LRRK1: variants seen among roughly 807,000 people sequenced by gnomAD.
LRRK1 encodes the protein leucine rich repeat kinase 1.
In LRRK1, 113 loss-of-function variants were observed where a neutral mutation model predicts 209.1. That is an observed-to-expected ratio of 0.54 (90% CI 0.46 to 0.63). The LOEUF (loss-of-function observed/expected upper bound fraction) is 0.63, where lower values mean the gene tolerates loss of function less well. LRRK1 is among the 30% of genes least tolerant of loss of function. The pLI, the probability that LRRK1 is intolerant of heterozygous loss-of-function variation, is 0.00. For missense variants in LRRK1, 2,284 were observed against 2,632.2 expected (o/e 0.87, Z 2.89); for synonymous variants, 1,144 against 1,099.7 (o/e 1.04, Z -0.80).
chr15:100,962,823 A>ATTTTTT lies in LRRK1; in HGVS notation c.98-10969_98-10964dup, dbSNP rs1161979293. 1.6e-3 allele frequency among the ~76,000 whole-genome samples: 19 copies of ATTTTTT among 11,534 alleles called. 1 individual carries two copies. Among genetic ancestry groups the ATTTTTT allele is most frequent in the Non-Finnish European group, 2.1e-3 (10 of 4,842 alleles). The allele number at this position is 11,534 out of a possible 152,430, so 7.6% of individuals were successfully genotyped here. A position where few individuals can be genotyped will look rare whatever the true frequency, so the allele number is the denominator to read the frequency against. On this transcript the variant is annotated intron_variant, in intron 2 of 33. Coordinates refer to ENST00000388948, the MANE Select transcript of LRRK1 (RefSeq NM_024652.6). ...TATATATATATATATATATATATATATTTTTTTTTTTTTTTTTGAGATGGA... is the reference window on the plus strand; with the variant it reads ...TATATATATATATATATATATATATATTTTTTTTTTTTTTTTTTTTTTTGAGATGGA...
intron 19 of LRRK1, among the ~76,000 whole-genome samples, chr15:101,028,633 A>G (rs1283807733): frequency 6.6e-6 from 1 of 152,262 alleles, no homozygotes; most frequent in Non-Finnish European, 1.5e-5. Context: ...ATGTCTGCAA[A>G]TAACCGCAGG....
intron 7 of LRRK1, 54 bp downstream of exon 7, chr15:101,009,117 G>C (rs910306278): frequency 7.4e-7 from 1 of 1,347,612 alleles, no homozygotes; most frequent in Non-Finnish European, 1.1e-6. Context: ...TCACCGTTGT[G>C]CTCCTGCACA....
In LRRK1 at chr15:101,034,847, GT is replaced by G. The variant is rs367895812; in HGVS notation, c.2963+5624del. Among the ~76,000 whole-genome samples, 7 of 147,728 alleles carry G rather than the reference GT, an allele frequency of 4.7e-5. No homozygotes were observed. In the East Asian group the frequency reaches 7.9e-4, roughly 17 times the overall value. ...GTTTTATATTTCTGGGAATTTGTCTGTTTTTTTTTCCTAGGCTTTGCAGTTT... is the reference window on the plus strand; with the variant it reads ...GTTTTATATTTCTGGGAATTTGTCTGTTTTTTTTCCTAGGCTTTGCAGTTT... On this transcript the variant is annotated intron_variant, in intron 20 of 33. Transcript: ENST00000388948.
intron 6 of LRRK1, among the ~76,000 whole-genome samples, chr15:101,001,128 G>A (rs181575465): frequency 4.6e-5 from 7 of 152,312 alleles, no homozygotes; most frequent in Admixed American, 4.6e-4. Flanking sequence ...GTTTGGTTCT[G>A]TTGTGGCCTT....
At chr15:100,926,728 A>G (rs1244786448) in intron 2 of LRRK1, among the ~76,000 whole-genome samples, 6 of 118,696 alleles carry the variant, frequency 5.1e-5, no homozygotes, top group Non-Finnish European at 1.6e-5. Context: ...TCTGTCACCC[A>G]GGCTGGAGTG....
At chr15:101,013,582 C>T (rs1292634819) in intron 10 of LRRK1, among the ~76,000 whole-genome samples, 1 of 151,958 alleles carries the variant, frequency 6.6e-6, no homozygotes, top group Non-Finnish European at 1.5e-5. Flanking sequence ...CCGCTGCACT[C>T]CAGCCTAAGA....
chr15:101,005,262 GCTGA>G (rs1324793397), intron 6 of LRRK1, among the ~76,000 whole-genome samples: 1 of 152,142 alleles, frequency 6.6e-6, no homozygotes, highest in African/African-American at 2.4e-5. Flanking sequence ...CTGTTGCTGG[GCTGA>G]CTGTCATGCT....
chr15:100,924,583 C>T lies in LRRK1; in HGVS notation c.-50C>T. The T allele has an allele frequency of 6.5e-7, 1 of 1,535,902 alleles. No homozygotes were observed. Among genetic ancestry groups the T allele is most frequent in the Non-Finnish European group, 9.0e-7 (1 of 1,109,892 alleles). ...TGCACCCCACAGCCAGCGGCAGTGG[C>T]AGTGACAACAGCGGGACCTGCCTTT... On this transcript the variant is annotated 5_prime_UTR_variant, in exon 2 of 34. It introduces an in-frame stop codon into an upstream open reading frame of the 5' UTR. Coordinates refer to ENST00000388948, the MANE Select transcript of LRRK1 (RefSeq NM_024652.6).
At chr15:101,046,849 G>A (rs576189422) in intron 21 of LRRK1, among the ~76,000 whole-genome samples, 31 of 152,326 alleles carry the variant, frequency 2.0e-4, no homozygotes, top group African/African-American at 5.5e-4. Flanking sequence ...ACAGGAAGGC[G>A]TCCCCGCTGT....
intron 12 of LRRK1, among the ~76,000 whole-genome samples, chr15:101,020,568 G>A (rs1161362757): frequency 2.6e-5 from 4 of 151,922 alleles, no homozygotes; most frequent in Non-Finnish European, 5.9e-5. Flanking sequence ...TAGAGACAGG[G>A]TTTTACCATC....
chr15:101,068,562 C>T, intron 33 of LRRK1, 109 bp from the exon 34 acceptor site: 1 of 1,181,520 alleles, frequency 8.5e-7, no homozygotes, highest in Non-Finnish European at 1.2e-6. Flanking sequence ...CAGACACACT[C>T]CCCTGCCCTT....
chr15:100,971,333 CAA>C (rs11342420), intron 2 of LRRK1, among the ~76,000 whole-genome samples: 221 of 118,544 alleles, frequency 1.9e-3, no homozygotes, highest in Middle Eastern at 4.0e-3. Flanking sequence ...AACTGTGTCT[CAA>C]AAAAAAAAAA....
chr15:100,941,248 C>CTG (rs1220339136), intron 2 of LRRK1, among the ~76,000 whole-genome samples: 6 of 88,566 alleles, frequency 6.8e-5, no homozygotes, highest in African/African-American at 1.5e-4. Context: ...GTGTGTCTGT[C>CTG]TGTGTGTGTG....
At chr15:100,939,066 C>T (rs2042355544) in intron 2 of LRRK1, among the ~76,000 whole-genome samples, 1 of 152,214 alleles carries the variant, frequency 6.6e-6, no homozygotes, top group South Asian at 2.1e-4. Context: ...GCACTCCAGC[C>T]TGGGCAACAA....
At chr15:100,998,836 A>T (rs1219581242) in intron 6 of LRRK1, among the ~76,000 whole-genome samples, 1 of 149,028 alleles carries the variant, frequency 6.7e-6, no homozygotes, top group Non-Finnish European at 1.5e-5. Context: ...GGATAGATAG[A>T]TGGGTGGGTA....
intron 12 of LRRK1, among the ~76,000 whole-genome samples, chr15:101,020,267 G>C (rs1489139766): frequency 6.6e-6 from 1 of 151,906 alleles, no homozygotes; most frequent in Admixed American, 6.6e-5. Context: ...TGCAGGTGTG[G>C]TGTGTGTGCA....
chr15:100,976,457 G>T (rs1355081334), intron 3 of LRRK1, among the ~76,000 whole-genome samples: 4 of 152,154 alleles, frequency 2.6e-5, no homozygotes, highest in African/African-American at 9.7e-5. Context: ...CGTATAGAAA[G>T]GCAAATAAAA....
rs77350180 is a variant in LRRK1, at chr15:100,960,492, A to G, written c.98-13312A>G. On this transcript the variant is annotated intron_variant, in intron 2 of 33. Coordinates refer to ENST00000388948, the MANE Select transcript of LRRK1 (RefSeq NM_024652.6). Reference sequence around the variant, plus strand: ...TCTATAGTATTACTGAGTATTAAATAAATGAACTGTCCTATTTATGTGATT... The same window carrying G: ...TCTATAGTATTACTGAGTATTAAATGAATGAACTGTCCTATTTATGTGATT... Among the ~76,000 whole-genome samples the G allele has an allele frequency of 7.4e-3, 1,121 of 152,292 alleles. 16 individuals are homozygous for G. The highest frequency in any genetic ancestry group is 0.025 in the African/African-American group (1,031 of 41,556).
chr15:101,009,208 C>A, intron 7 of LRRK1, 145 bp downstream of exon 7: 1 of 662,166 alleles, frequency 1.5e-6, no homozygotes, highest in Non-Finnish European at 2.6e-6. Context: ...TACCCTGAGG[C>A]AAGCCTCCCT....
Sources: gnomAD v4.1 joint callset for allele counts (sites outside exome capture counted in the v4.1 genomes callset) on GRCh38, gnomAD v4.1.1 for gene constraint, MANE v1.5 for transcripts, NCBI Gene and HGNC (gene_info 2026-07-23, HGNC 2026-07-21) for gene names.